Variants in ZNF559 observed in about 807,000 individuals in gnomAD.
The protein encoded by ZNF559 is zinc finger protein 559, also known as putative protein product of Nbla00121.
Under a neutral mutation model 14.2 loss-of-function variants are expected in ZNF559, and 17 were observed. That is an observed-to-expected ratio of 1.20 (90% CI 0.82 to 1.80). The LOEUF (loss-of-function observed/expected upper bound fraction) is 1.80, where lower values mean the gene tolerates loss of function less well. ZNF559 is among the 40% of genes most tolerant of loss of function. The pLI is 0.00. For missense variants in ZNF559, 740 were observed against 629.7 expected (o/e 1.18, Z -1.88); for synonymous variants, 244 against 212.4 (o/e 1.15, Z -1.29).
At position 9,342,533 on chromosome 19, in the gene ZNF559, C is replaced by T; in HGVS notation, c.1082C>T (p.Ala361Val). Residue 361 changes from alanine to valine, a missense_variant, in exon 7 of 7, where the codon GCT (alanine) becomes GTT (valine). Transcript: ENST00000603380. ...TATGAATGTAAGGAATGTGGGAAAG[C>T]TTTTGCTAACTCTTCACATCTTACT... is the stretch of plus-strand genomic sequence containing the variant. Reference protein sequence around the residue: ...KPYECKECGKAFANSSHLTVH... With the variant: ...KPYECKECGKVFANSSHLTVH... 1 of 1,614,020 alleles carries T rather than the reference C, an allele frequency of 6.2e-7. No individual in the cohort carries two copies. Among genetic ancestry groups the T allele is most frequent in the Non-Finnish European group, 8.5e-7 (1 of 1,179,990 alleles).
At position 9,341,756 on chromosome 19, in the gene ZNF559, AACACTC is replaced by A. The variant is rs2067598303; in HGVS notation, c.307_312del (p.His103_Ser104del). 1 of 1,600,006 alleles carries A rather than the reference AACACTC, an allele frequency of 6.2e-7. No homozygotes were observed. The highest frequency in any genetic ancestry group is 8.5e-7 in the Non-Finnish European group (1 of 1,176,266). On this transcript the variant is annotated inframe_deletion, in exon 7 of 7. Coordinates refer to ENST00000603380, the MANE Select transcript of ZNF559 (RefSeq NM_032497.3). ...AACCAATGTGAAAAAGCCTTGAGTG[AACACTC>A]ATGCCTTAAGACTCACAGGAGAACT...
rs2067599957 is a variant in ZNF559 at position 9,341,798 on chromosome 19, A to G, written c.347A>G (p.Lys116Arg). The G allele has an allele frequency of 1.2e-6, 2 of 1,608,974 alleles. No individual in the cohort carries two copies. The highest frequency in any genetic ancestry group is 1.7e-6 in the Non-Finnish European group (2 of 1,178,702). The change falls in exon 7 of 7, where the codon AAG (lysine) becomes AGG (arginine). Residue 116 changes from lysine (K) to arginine (R), a missense_variant. Transcript: ENST00000603380. ...ACTCACAGGAGAACTTACTTTAGAA[A>G]GAAAACCTGTGAGTGTAATCAATGT... is the stretch of plus-strand genomic sequence containing the variant. ...LKTHRRTYFR[K>R]KTCECNQCEK...
Position 9,342,819 on chromosome 19 carries a change from AAG to A in ZNF559, c.1370_1371del (p.Arg457AsnfsTer9). 1 of 1,614,032 alleles carries A rather than the reference AAG, an allele frequency of 6.2e-7. No homozygotes were observed. Among genetic ancestry groups the A allele is most frequent in the Admixed American group, 1.7e-5 (1 of 60,016 alleles). On this transcript the variant is annotated frameshift_variant, in exon 7 of 7. Coordinates refer to ENST00000603380, the MANE Select transcript of ZNF559 (RefSeq NM_032497.3). LOFTEE classifies it low-confidence loss of function (END_TRUNC). ...ACTCCTCGCACCTTAGTCAACATAA[AAG>A]AATACATACAGGGGAGAGGCCATAT... ...RYSSHLSQHK[R>X]IHTGERPYKC...
chr19:9,343,295 T>A lies in ZNF559; in HGVS notation c.*227T>A. On this transcript the variant is annotated 3_prime_UTR_variant, in exon 7 of 7. Transcript: ENST00000603380. ...GCCTTACTATTCATGTGTCTGTGCA[T>A]CCTAGGAAACAAACTGAACGTAGGA... 3.0e-6 allele frequency: 4 copies of A among 1,325,946 alleles called. No individual in the cohort carries two copies. Among genetic ancestry groups the A allele is most frequent in the Non-Finnish European group, 3.9e-6 (4 of 1,037,324 alleles). The allele number at this position is 1,325,946 out of a possible 1,614,324, so 82.1% of individuals were successfully genotyped here.
At position 9,324,381 on chromosome 19, in the gene ZNF559, C is replaced by T. The variant is rs1199094182; in HGVS notation, c.-206+153C>T. ...CTTGTGGGCTCTCCCAAGTCGCGGC[C>T]CCTCCTCTGAGAGCCACAGTCAGGT... On this transcript the variant is annotated intron_variant, in intron 1 of 6. Transcript: ENST00000603380. 2.7e-6 allele frequency: 4 copies of T among 1,487,558 alleles called. No individual in the cohort carries two copies. In the African/African-American group the frequency reaches 4.2e-5, roughly 15 times the overall value. The allele number at this position is 1,487,558 out of a possible 1,614,324, so 92.1% of individuals were successfully genotyped here.
chr19:9,326,778 C>T (rs1309923331), intron 2 of ZNF559, among the ~76,000 whole-genome samples: 3 of 152,046 alleles, frequency 2.0e-5, no homozygotes, highest in South Asian at 2.1e-4. Flanking sequence ...GAATCCTGCA[C>T]GTATTTTACA....
chr19:9,333,677 A>G (rs1231621865), intron 2 of ZNF559, among the ~76,000 whole-genome samples: 1 of 151,806 alleles, frequency 6.6e-6, no homozygotes, highest in Non-Finnish European at 1.5e-5. Flanking sequence ...GCAACAGAAC[A>G]GGGCCCTGTC....
intron 2 of ZNF559, among the ~76,000 whole-genome samples, chr19:9,331,289 G>A (rs141068680): frequency 5.1e-4 from 77 of 152,268 alleles, no homozygotes; most frequent in African/African-American, 1.8e-3. Context: ...TGTAGAGATG[G>A]GGTCTTGCTA....
chr19:9,332,138 T>C (rs1433131562), intron 2 of ZNF559, among the ~76,000 whole-genome samples: 1 of 152,170 alleles, frequency 6.6e-6, no homozygotes. Flanking sequence ...GCTGAAAATT[T>C]TTCTTGGGCT....
intron 5 of ZNF559, among the ~76,000 whole-genome samples, chr19:9,339,934 A>ATTTTTTTTTT (rs545536064): frequency 6.0e-3 from 519 of 86,310 alleles, no homozygotes; most frequent in Non-Finnish European, 7.2e-3. Context: ...ACGCCTGGCT[A>ATTTTTTTTTT]TTTTTTTTTT....
intron 2 of ZNF559, among the ~76,000 whole-genome samples, chr19:9,333,797 C>T (rs1204382679): frequency 1.3e-5 from 2 of 149,608 alleles, no homozygotes; most frequent in Admixed American, 6.7e-5. Flanking sequence ...AACTCTTACA[C>T]GTTAATTCCA....
chr19:9,338,596 T>C lies in ZNF559; in HGVS notation c.33+14T>C, dbSNP rs775404781. ...AATTACTCTCAGGTAAGTAGGAAAT[T>C]GCTTTTTCTGTAGAAGCATATGCTT... On this transcript the variant is annotated intron_variant, in intron 4 of 6. Transcript: ENST00000603380. The C allele has an allele frequency of 1.9e-6, 3 of 1,597,098 alleles. No individual in the cohort carries two copies. The South Asian group carries it at 3.3e-5, about 18-fold the overall frequency.
chr19:9,327,079 A>G (rs1048104679), intron 2 of ZNF559, among the ~76,000 whole-genome samples: 10 of 152,298 alleles, frequency 6.6e-5, no homozygotes, highest in Admixed American at 5.2e-4. Flanking sequence ...GTAGTCACAT[A>G]CTACAAGTTT....
chr19:9,324,174 G>T, upstream of ZNF559: 2 of 1,536,070 alleles, frequency 1.3e-6, no homozygotes, highest in Non-Finnish European at 1.7e-6. Flanking sequence ...TGTCTGCGTG[G>T]GCGCATGCGC....
At chr19:9,336,784 G>A (rs577716080) in intron 2 of ZNF559, among the ~76,000 whole-genome samples, 35 of 152,222 alleles carry the variant, frequency 2.3e-4, no homozygotes, top group Non-Finnish European at 4.6e-4. Flanking sequence ...CAGAGATGAG[G>A]ACTTGAAGGG....
At chr19:9,328,442 C>A (rs973925840) in intron 2 of ZNF559, among the ~76,000 whole-genome samples, 2 of 150,842 alleles carry the variant, frequency 1.3e-5, no homozygotes, top group South Asian at 2.1e-4. Context: ...CAACCTCCAC[C>A]TCCCGGGTTC....
chr19:9,342,148 C>G lies in ZNF559; in HGVS notation c.697C>G (p.Gln233Glu), dbSNP rs2067612392. 6.2e-7 allele frequency: 1 copy of G among 1,613,260 alleles called. No homozygotes were observed. Among genetic ancestry groups the G allele is most frequent in the Non-Finnish European group, 8.5e-7 (1 of 1,179,766 alleles). The change falls in exon 7 of 7, where the codon CAA becomes GAA. Residue 233 changes from glutamine (Q) to glutamate (E), a missense_variant. Gln to Glu is a conservative substitution (Grantham distance 29, BLOSUM62 2). Transcript: ENST00000603380. ...SHSTALFVHM[Q>E]TQDGEKFYEC... ...TTCTACAGCCCTTTTTGTACACATG[C>G]AAACTCAAGATGGAGAAAAATTCTA...
rs1243318962 is a variant in ZNF559, at chr19:9,345,086, C to T, written c.*2018C>T. 2.0e-5 allele frequency: 3 copies of T among 152,150 alleles called. No individual in the cohort carries two copies. The highest frequency in any genetic ancestry group is 2.9e-5 in the Non-Finnish European group (2 of 68,038). 9.4% of individuals were successfully genotyped at this position (152,150 alleles called of 1,614,324 possible). Reference sequence around the variant, plus strand: ...AGAATAGACGACTTTATATTATGTACAGTTTTTATATAAATGGAATCATAT... The same window carrying T: ...AGAATAGACGACTTTATATTATGTATAGTTTTTATATAAATGGAATCATAT... On this transcript the variant is annotated 3_prime_UTR_variant, in exon 7 of 7. Transcript: ENST00000603380.
In ZNF559 at chr19:9,341,767, C is replaced by CT. The variant is rs1322378209; in HGVS notation, c.318dup (p.Lys107Ter). The CT allele has an allele frequency of 2.5e-6, 4 of 1,605,172 alleles. No individual in the cohort carries two copies. The highest frequency in any genetic ancestry group is 1.7e-6 in the Non-Finnish European group (2 of 1,177,606). Reference sequence around the variant, plus strand: ...AAAAGCCTTGAGTGAACACTCATGCCTTAAGACTCACAGGAGAACTTACTT... The same window carrying CT: ...AAAAGCCTTGAGTGAACACTCATGCCTTTAAGACTCACAGGAGAACTTACTT... On this transcript the variant is annotated frameshift_variant, in exon 7 of 7. Transcript: ENST00000603380. LOFTEE classifies it low-confidence loss of function (END_TRUNC).
Sources: allele counts gnomAD v4.1 joint callset (sites outside exome capture counted in the v4.1 genomes callset), GRCh38; gene constraint gnomAD v4.1.1; transcripts MANE v1.5; gene names NCBI Gene and HGNC (gene_info 2026-07-23, HGNC 2026-07-21).